ATP4A: variants seen among roughly 807,000 people sequenced by gnomAD.
The protein encoded by ATP4A is potassium-transporting ATPase alpha chain 1.
Under a neutral mutation model 112.1 loss-of-function variants are expected in ATP4A, and 73 were observed. The observed-to-expected ratio is 0.65, with a 90% CI of 0.54 to 0.79. The LOEUF (loss-of-function observed/expected upper bound fraction) is 0.79, where lower values mean the gene tolerates loss of function less well. Among genes scored for constraint, ATP4A ranks in the 30% least tolerant of loss-of-function variants. The probability of loss-of-function intolerance (pLI) is 0.00; values close to 1 mark genes in which losing one functional copy is unlikely to be tolerated. For synonymous variants in ATP4A, 588 were observed against 588.9 expected (o/e 1.00, Z 0.02); for missense variants, 1,081 against 1,425.9 (o/e 0.76, Z 3.90).
rs574602030 is a variant in ATP4A at position 35,559,711 on chromosome 19, G to A, written c.1056+94C>T. On this transcript the variant is annotated intron_variant, in intron 7 of 21. Transcript: ENST00000262623. This position sits in a 1 kb window ranked among gnomAD's most constrained non-coding sequence, Gnocchi z 4.1. ...TGGATGGGAGCTAAGTGGACAGATA[G>A]ACAGGCAGGGAGGTGATGGGGGAAA... The A allele has an allele frequency of 2.3e-5, 34 of 1,509,208 alleles. No individual in the cohort carries two copies. In the African/African-American group the frequency reaches 4.4e-4, roughly 20 times the overall value. The allele number at this position is 1,509,208 out of a possible 1,614,324, so 93.5% of individuals were successfully genotyped here. A position where few individuals can be genotyped will look rare whatever the true frequency, so the allele number is the denominator to read the frequency against.
chr19:35,556,955 G>C lies in ATP4A; in HGVS notation c.1827C>G (p.Thr609=), dbSNP rs144001640. Residue 609 remains threonine, a synonymous_variant, in exon 12 of 22, where the codon ACC becomes ACG. Coordinates refer to ENST00000262623, the MANE Select transcript of ATP4A (RefSeq NM_000704.3). ...GACACTTGAGCACAGCATCAGGGAC[G>C]GTGGCCCGGGGTGGGTCAATCATGG... The part of the protein sequence containing the change: ...LVSMIDPPRA[T]VPDAVLKCRT... 16 of 1,614,170 alleles carry C rather than the reference G, an allele frequency of 9.9e-6. 2 individuals are homozygous for C. In the African/African-American group the frequency reaches 1.2e-4, roughly 12 times the overall value.
chr19:35,551,006 TC>T lies in ATP4A; in HGVS notation c.2987+3del, dbSNP rs746718673. The T allele has an allele frequency of 6.2e-7, 1 of 1,613,740 alleles. No individual in the cohort carries two copies. The highest frequency in any genetic ancestry group is 8.5e-7 in the Non-Finnish European group (1 of 1,179,796). The stretch of plus-strand genomic sequence containing the variant: ...CCCTGTCCTTGCCCCTCACAGCCTC[TC>T]ACCGAATGGGCATGAAGTTGAAGAT... On this transcript the variant is annotated splice_donor_region_variant and intron_variant, in intron 20 of 21. Transcript: ENST00000262623. The surrounding 1 kb of genome is among the most constrained non-coding windows in gnomAD (Gnocchi z 5.2).
rs2071627655 is a variant in ATP4A, at chr19:35,555,690, G to T, written c.1992C>A (p.Asp664Glu). ...GGGGGGCTTACTTGCGATTAACCTG[G>T]TCTACGGGCACACGGAGGCGGGCAG... ...DIAARLRVPV[D>E]QVNRKDARAC... The change falls in exon 13 of 22, where the codon GAC (aspartate) becomes GAA (glutamate). Residue 664 changes from aspartate to glutamate, a missense_variant. Around this residue, in one of 3 missense-constraint regions of ATP4A, gnomAD observed 850 missense variants for 1,068.2 expected, o/e 0.80. Transcript: ENST00000262623. The surrounding 1 kb of genome is among the most constrained non-coding windows in gnomAD (Gnocchi z 6.6). The T allele has an allele frequency of 6.2e-7, 1 of 1,607,878 alleles. No individual in the cohort carries two copies. Among genetic ancestry groups the T allele is most frequent in the South Asian group, 1.1e-5 (1 of 90,910 alleles).
chr19:35,562,937 G>A (rs2071680404), intron 3 of ATP4A, among the ~76,000 whole-genome samples: 1 of 150,540 alleles, frequency 6.6e-6, no homozygotes, highest in Non-Finnish European at 1.5e-5. Context: ...GTCTCTGTGT[G>A]TCACCCTTTC....
In ATP4A at chr19:35,555,365, G is replaced by A. The variant is rs751814085; in HGVS notation, c.2158-31C>T. On this transcript the variant is annotated intron_variant, in intron 14 of 21. Transcript: ENST00000262623. The surrounding 1 kb of genome is among the most constrained non-coding windows in gnomAD (Gnocchi z 6.6). ...GGCAGTGGGTGCAGGTGGTGGGTGG[G>A]TGGTCAGTGAGAGGCCGGTCCAAGA... is the stretch of plus-strand genomic sequence containing the variant. 7.5e-6 allele frequency: 12 copies of A among 1,604,178 alleles called. No individual in the cohort carries two copies. The highest frequency in any genetic ancestry group is 1.0e-5 in the Non-Finnish European group (12 of 1,173,834).
In ATP4A at chr19:35,557,913, CGGGGCGGGGCTGAGGAGA is replaced by C; in HGVS notation, c.1501-84_1501-67del. ...CGGGGCGGGGCTGTGGACGAGGGAACGGGGCGGGGCTGAGGAGAGGGGCGGGGCCGAGAGCTCGGTGCG... is the reference window on the plus strand; with the variant it reads ...CGGGGCGGGGCTGTGGACGAGGGAACGGGGCGGGGCCGAGAGCTCGGTGCG... On this transcript the variant is annotated intron_variant, in intron 10 of 21. Coordinates refer to ENST00000262623, the MANE Select transcript of ATP4A (RefSeq NM_000704.3). The surrounding 1 kb of genome is among the most constrained non-coding windows in gnomAD (Gnocchi z 4.4). The C allele has an allele frequency of 6.6e-6, 1 of 152,094 alleles. No homozygotes were observed. Among genetic ancestry groups the C allele is most frequent in the South Asian group, 1.3e-4 (1 of 7,818 alleles). The allele number at this position is 152,094 out of a possible 1,614,324, so 9.4% of individuals were successfully genotyped here. A position where few individuals can be genotyped will look rare whatever the true frequency, so the allele number is the denominator to read the frequency against.
At position 35,557,128 on chromosome 19, in the gene ATP4A, CA is replaced by C; in HGVS notation, c.1694-41del. The C allele has an allele frequency of 6.2e-7, 1 of 1,607,864 alleles. No homozygotes were observed. Among genetic ancestry groups the C allele is most frequent in the Non-Finnish European group, 8.5e-7 (1 of 1,176,028 alleles). ...GGAAGTCAGGGAAGAGCCCTGGGCA[CA>C]CCCTTTCTTAGCAGGGCCAGGAAAT... On this transcript the variant is annotated intron_variant, in intron 11 of 21. Coordinates refer to ENST00000262623, the MANE Select transcript of ATP4A (RefSeq NM_000704.3). The surrounding 1 kb of genome is among the most constrained non-coding windows in gnomAD (Gnocchi z 4.4).
chr19:35,562,563 G>C lies in ATP4A; in HGVS notation c.292C>G (p.Pro98Ala). The C allele has an allele frequency of 1.2e-6, 2 of 1,612,748 alleles. No individual in the cohort carries two copies. Among genetic ancestry groups the C allele is most frequent in the Non-Finnish European group, 1.7e-6 (2 of 1,179,542 alleles). Reference sequence around the variant, plus strand: ...TGCCTCGCGAACTTGACGTACTCTGGGGTGCCCCGTGGTGGCCGCAGTGCG... The same window carrying C: ...TGCCTCGCGAACTTGACGTACTCTGCGGTGCCCCGTGGTGGCCGCAGTGCG... The part of the protein sequence containing the change: ...PNALRPPRGT[P>A]EYVKFARQLA... Residue 98 changes from proline to alanine, a missense_variant, in exon 4 of 22, where the codon CCA (proline) becomes GCA (alanine). Pro to Ala is a conservative substitution (Grantham distance 27). Coordinates refer to ENST00000262623, the MANE Select transcript of ATP4A (RefSeq NM_000704.3).
In ATP4A at chr19:35,557,980, G is replaced by A. The variant is rs1334688153; in HGVS notation, c.1501-133C>T. 1 of 775,058 alleles carries A rather than the reference G, an allele frequency of 1.3e-6. No individual in the cohort carries two copies. The highest frequency in any genetic ancestry group is 2.0e-6 in the Non-Finnish European group (1 of 501,120). The allele number at this position is 775,058 out of a possible 1,614,324, so 48.0% of individuals were successfully genotyped here. A position where few individuals can be genotyped will look rare whatever the true frequency, so the allele number is the denominator to read the frequency against. On this transcript the variant is annotated intron_variant, in intron 10 of 21. Coordinates refer to ENST00000262623, the MANE Select transcript of ATP4A (RefSeq NM_000704.3). The surrounding 1 kb of genome is among the most constrained non-coding windows in gnomAD (Gnocchi z 4.4). ...CGGGCTCTGAGAGCTGCGGGGAAGG[G>A]TGAAGGTGGAAGATGGAGGCCTTGT...
At chr19:35,553,480 C>T (rs1373277441) in intron 17 of ATP4A, among the ~76,000 whole-genome samples, 5 of 152,134 alleles carry the variant, frequency 3.3e-5, no homozygotes, top group Non-Finnish European at 7.3e-5. Flanking sequence ...TAGGCAACAA[C>T]TCAGAGACAG....
Position 35,555,838 on chromosome 19 carries a change from G to A in ATP4A, c.1870-26C>T. On this transcript the variant is annotated intron_variant, in intron 12 of 21. Coordinates refer to ENST00000262623, the MANE Select transcript of ATP4A (RefSeq NM_000704.3). The surrounding 1 kb of genome is among the most constrained non-coding windows in gnomAD (Gnocchi z 6.6). Reference sequence around the variant, plus strand: ...CTGTAGGGGGAACCAGTGGATCACTGACCCCTTCAGATCAGCCCAATCTCC... The same window carrying A: ...CTGTAGGGGGAACCAGTGGATCACTAACCCCTTCAGATCAGCCCAATCTCC... The A allele has an allele frequency of 6.3e-7, 1 of 1,587,510 alleles. No individual in the cohort carries two copies.
chr19:35,553,274 T>C, intron 17 of ATP4A, 92 bp from the exon 18 acceptor site: 3 of 1,424,970 alleles, frequency 2.1e-6, no homozygotes, highest in Non-Finnish European at 2.8e-6. Flanking sequence ...GGGACACAGA[T>C]ACACAAAGGT....
rs989838077 is a variant in ATP4A at position 35,555,661 on chromosome 19, T to C, written c.2006+15A>G. On this transcript the variant is annotated intron_variant, in intron 13 of 21. Transcript: ENST00000262623. The surrounding 1 kb of genome is among the most constrained non-coding windows in gnomAD (Gnocchi z 6.6). ...AGATGTGGGGAGAACCCCGGGGAGG[T>C]CTGGGGGGGCTTACTTGCGATTAAC... 13 of 1,592,320 alleles carry C rather than the reference T, an allele frequency of 8.2e-6. No individual in the cohort carries two copies. In the African/African-American group the frequency reaches 1.8e-4, roughly 21 times the overall value.
rs376416040 is a variant in ATP4A at position 35,560,955 on chromosome 19, G to T, written c.421-23C>A. The T allele has an allele frequency of 5.1e-5, 80 of 1,581,576 alleles. No individual in the cohort carries two copies. Among genetic ancestry groups the T allele is most frequent in the Non-Finnish European group, 6.4e-5 (74 of 1,150,722 alleles). On this transcript the variant is annotated intron_variant, in intron 4 of 21. Coordinates refer to ENST00000262623, the MANE Select transcript of ATP4A (RefSeq NM_000704.3). The surrounding 1 kb of genome is among the most constrained non-coding windows in gnomAD (Gnocchi z 5.1). ...CAGCTGGGGACAGGGAAGGGGTGGGGTTATTCAGAGGGGCCGGAAGCTGCC... is the reference window on the plus strand; with the variant it reads ...CAGCTGGGGACAGGGAAGGGGTGGGTTTATTCAGAGGGGCCGGAAGCTGCC...
chr19:35,554,921 C>T lies in ATP4A; in HGVS notation c.2481+1G>A, dbSNP rs1436117087. ...ATGGGTACCCTGGGCTGTGGACTTA[C>T]AATGTCAGTGCAGAGTTCGATGAAG... is the stretch of plus-strand genomic sequence containing the variant. On this transcript the variant is annotated splice_donor_variant, in intron 16 of 21. Transcript: ENST00000262623. LOFTEE classifies it high-confidence loss of function. 2 of 1,614,076 alleles carry T rather than the reference C, an allele frequency of 1.2e-6. No individual in the cohort carries two copies. Among genetic ancestry groups the T allele is most frequent in the Admixed American group, 1.7e-5 (1 of 60,028 alleles).
chr19:35,558,650 G>T lies in ATP4A; in HGVS notation c.1292C>A (p.Ala431Glu), dbSNP rs375401694. ...GCACAGGGTGAGCACCCGGCACAGC[G>T]CCCGCCACGTCTCCGAGGACTGGTC... ...TFDQSSETWR[A>E]LCRVLTLCNR... Residue 431 changes from alanine (A) to glutamate (E), a missense_variant, in exon 9 of 22, where the codon GCG becomes GAG. By Grantham distance (107) the Ala-to-Glu change is moderately radical (BLOSUM62 -1). This residue lies in a region of ATP4A where 850 missense variants were observed against 1,068.2 expected (regional missense o/e 0.80). Coordinates refer to ENST00000262623, the MANE Select transcript of ATP4A (RefSeq NM_000704.3). This position sits in a 1 kb window ranked among gnomAD's most constrained non-coding sequence, Gnocchi z 5.1. 2.1e-5 allele frequency: 34 copies of T among 1,585,920 alleles called. No homozygotes were observed. The highest frequency in any genetic ancestry group is 2.9e-5 in the Non-Finnish European group (34 of 1,170,628).
chr19:35,557,007 C>A lies in ATP4A; in HGVS notation c.1775G>T (p.Ser592Ile), dbSNP rs1026823484. ...FDVEAMNFPSSGLCFAGLVSM... is the reference protein window; with the variant it reads ...FDVEAMNFPSIGLCFAGLVSM... ...TACAAGTCCCGCAAAGCAGAGGCCG[C>A]TAGATGGAAAGTTCATGGCCTCTAC... Residue 592 changes from serine to isoleucine, a missense_variant, in exon 12 of 22, where the codon AGC becomes ATC. Coordinates refer to ENST00000262623, the MANE Select transcript of ATP4A (RefSeq NM_000704.3). The surrounding 1 kb of genome is among the most constrained non-coding windows in gnomAD (Gnocchi z 4.4). The A allele has an allele frequency of 1.2e-6, 2 of 1,614,070 alleles. No individual in the cohort carries two copies. The highest frequency in any genetic ancestry group is 2.7e-5 in the African/African-American group (2 of 74,924).
In ATP4A at chr19:35,560,794, A is replaced by G; in HGVS notation, c.534+25T>C. ...GCAGTTTGGAGTCTCTGGGATCTGGAGTGGCTGGGTGCTGGGGAACCCACC... is the reference window on the plus strand; with the variant it reads ...GCAGTTTGGAGTCTCTGGGATCTGGGGTGGCTGGGTGCTGGGGAACCCACC... On this transcript the variant is annotated intron_variant, in intron 5 of 21. Coordinates refer to ENST00000262623, the MANE Select transcript of ATP4A (RefSeq NM_000704.3). This position sits in a 1 kb window ranked among gnomAD's most constrained non-coding sequence, Gnocchi z 5.1. 6.2e-7 allele frequency: 1 copy of G among 1,608,144 alleles called. No individual in the cohort carries two copies. Among genetic ancestry groups the G allele is most frequent in the Non-Finnish European group, 8.5e-7 (1 of 1,174,680 alleles).
intron 4 of ATP4A, 23 bp downstream of exon 4, chr19:35,562,412 C>T (rs1568316506): frequency 3.7e-6 from 6 of 1,607,724 alleles, no homozygotes; most frequent in Non-Finnish European, 4.3e-6. Flanking sequence ...ATGTCCTGAG[C>T]CTGTCCCCAC....
Sources: allele counts gnomAD v4.1 joint callset (sites outside exome capture counted in the v4.1 genomes callset), GRCh38; gene constraint gnomAD v4.1.1; regional missense constraint gnomAD v4.1.1; non-coding constraint Gnocchi (gnomAD v3.1); transcripts MANE v1.5; gene names NCBI Gene and HGNC (gene_info 2026-07-23, HGNC 2026-07-21).